CSNK1G1: variants seen among roughly 807,000 people sequenced by gnomAD.
CSNK1G1 encodes casein kinase I isoform gamma-1.
CSNK1G1 carries 22 observed loss-of-function variants against 59.6 expected under a neutral mutation model. The observed-to-expected ratio is 0.37, with a 90% CI of 0.26 to 0.53. The LOEUF is 0.53. Among genes scored for constraint, CSNK1G1 ranks in the 20% least tolerant of loss-of-function variants. The probability of loss-of-function intolerance (pLI) is 0.89; values close to 1 mark genes in which losing one functional copy is unlikely to be tolerated. For synonymous variants in CSNK1G1, 179 were observed against 177.1 expected, an observed-to-expected ratio of 1.01 and a Z score of -0.08; for missense variants, 384 against 519.5, an observed-to-expected ratio of 0.74 and a Z score of 2.54.
chr15:64,219,158 A>C (rs1381007838), intron 4 of CSNK1G1, among the ~76,000 whole-genome samples: 1 of 151,976 alleles, frequency 6.6e-6, no homozygotes, highest in African/African-American at 2.4e-5. Context: ...CCAGGCCCCA[A>C]AGAGTCTTTT....
At chr15:64,258,380 C>G (rs927111478) in intron 3 of CSNK1G1, among the ~76,000 whole-genome samples, 1 of 137,858 alleles carries the variant, frequency 7.3e-6, no homozygotes, top group Non-Finnish European at 1.5e-5. Flanking sequence ...GAGACCCTGT[C>G]TCCAAAAAAA....
chr15:64,303,390 G>C (rs951149605), intron 1 of CSNK1G1, among the ~76,000 whole-genome samples: 8 of 150,914 alleles, frequency 5.3e-5, no homozygotes, highest in African/African-American at 1.7e-4. Context: ...CAAGGTAGAA[G>C]GACTACTTGA....
At chr15:64,256,589 T>C (rs1235862190) in intron 3 of CSNK1G1, among the ~76,000 whole-genome samples, 4 of 152,162 alleles carry the variant, frequency 2.6e-5, no homozygotes, top group Non-Finnish European at 4.4e-5. Flanking sequence ...GTCTACAGAC[T>C]ACAGAAGGCA....
rs1200926428 is a variant in CSNK1G1, at chr15:64,167,126, C to A, written c.*4805G>T. On this transcript the variant is annotated 3_prime_UTR_variant, in exon 12 of 12. Coordinates refer to ENST00000303052, the MANE Select transcript of CSNK1G1 (RefSeq NM_022048.5). ...CACTATTTTGAATACAATGAGAAAA[C>A]TATTTTTTTGTACTTAGTCACCTGC... is the stretch of plus-strand genomic sequence containing the variant. 1 of 152,110 alleles carries A rather than the reference C, an allele frequency of 6.6e-6. No individual in the cohort carries two copies. The highest frequency in any genetic ancestry group is 1.5e-5 in the Non-Finnish European group (1 of 68,000). The allele number at this position is 152,110 out of a possible 1,614,324, so 9.4% of individuals were successfully genotyped here. A position where few individuals can be genotyped will look rare whatever the true frequency, so the allele number is the denominator to read the frequency against.
chr15:64,239,585 C>T (rs1395396603), intron 4 of CSNK1G1, among the ~76,000 whole-genome samples: 2 of 152,008 alleles, frequency 1.3e-5, no homozygotes, highest in Non-Finnish European at 2.9e-5. Context: ...TGCTATGTTC[C>T]CTAGGCTGAT....
At chr15:64,269,127 C>T (rs1449622695) in intron 2 of CSNK1G1, among the ~76,000 whole-genome samples, 2 of 152,168 alleles carry the variant, frequency 1.3e-5, no homozygotes, top group Admixed American at 6.6e-5. Context: ...GTATAGCCCA[C>T]ATTTATTTCA....
intron 1 of CSNK1G1, among the ~76,000 whole-genome samples, chr15:64,329,360 A>G (rs1341312272): frequency 1.3e-5 from 2 of 150,136 alleles, no homozygotes; most frequent in Non-Finnish European, 3.0e-5. Context: ...AGAACTCAGG[A>G]TTAAGAATCT....
chr15:64,214,241 TC>T lies in CSNK1G1; in HGVS notation c.445-118del. ...TATTGAAATAACAGTAAAATTCATCTCCTTTCACCGCCCTGAGTCACTTCAC... is the reference window on the plus strand; with the variant it reads ...TATTGAAATAACAGTAAAATTCATCTCTTTCACCGCCCTGAGTCACTTCAC... On this transcript the variant is annotated intron_variant, in intron 5 of 11. Transcript: ENST00000303052. This position sits in a 1 kb window ranked among gnomAD's most constrained non-coding sequence, Gnocchi z 4.3. The T allele has an allele frequency of 1.4e-6, 1 of 739,708 alleles. No homozygotes were observed. The highest frequency in any genetic ancestry group is 1.7e-5 in the South Asian group (1 of 57,830). 45.8% of individuals were successfully genotyped at this position (739,708 alleles called of 1,614,324 possible).
chr15:64,290,729 A>ATAATT (rs1023223538), intron 2 of CSNK1G1, among the ~76,000 whole-genome samples: 9 of 152,234 alleles, frequency 5.9e-5, no homozygotes, highest in Non-Finnish European at 1.2e-4. Context: ...ATCTAAAGTT[A>ATAATT]TAATTTAATT....
chr15:64,220,269 A>G (rs2082369983), intron 4 of CSNK1G1, among the ~76,000 whole-genome samples: 1 of 149,938 alleles, frequency 6.7e-6, no homozygotes, highest in Non-Finnish European at 1.5e-5. Flanking sequence ...TAATTTTTGT[A>G]TTTTTAGTAA....
intron 3 of CSNK1G1, among the ~76,000 whole-genome samples, chr15:64,258,313 G>A (rs1892503530): frequency 6.6e-6 from 1 of 151,716 alleles, no homozygotes; most frequent in Admixed American, 6.6e-5. Context: ...AGCCCAGGAG[G>A]CGGAGGTTGC....
At chr15:64,173,019 G>A (rs763072663) in intron 11 of CSNK1G1, among the ~76,000 whole-genome samples, 3 of 152,228 alleles carry the variant, frequency 2.0e-5, no homozygotes, top group Non-Finnish European at 4.4e-5. Flanking sequence ...GGTGGTGGAT[G>A]AGTCAAAGAT....
intron 2 of CSNK1G1, among the ~76,000 whole-genome samples, chr15:64,293,114 A>C (rs2140389130): frequency 6.6e-6 from 1 of 152,276 alleles, no homozygotes; most frequent in South Asian, 2.1e-4. Context: ...AAAATGAGAA[A>C]GTTCTCACAA....
At chr15:64,316,735 C>G (rs1167323782) in intron 1 of CSNK1G1, 4 of 152,034 alleles carry the variant, frequency 2.6e-5, no homozygotes. Context: ...AAAAATCAAG[C>G]CCTGACTTAA....
intron 4 of CSNK1G1, among the ~76,000 whole-genome samples, chr15:64,234,728 A>C (rs2082592497): frequency 6.6e-6 from 1 of 152,128 alleles, no homozygotes; most frequent in African/African-American, 2.4e-5. Flanking sequence ...TCCTTGTTAT[A>C]TTGTCATTTT....
intron 4 of CSNK1G1, among the ~76,000 whole-genome samples, chr15:64,230,826 T>G (rs918963590): frequency 6.6e-6 from 1 of 151,764 alleles, no homozygotes; most frequent in Non-Finnish European, 1.5e-5. Context: ...ACAAAAAAAT[T>G]AGCCAGGCGT....
rs2081740655 is a variant in CSNK1G1 at position 64,176,316 on chromosome 15, A to AG, written c.1214+4031_1214+4032insC. On this transcript the variant is annotated intron_variant, in intron 11 of 11. Coordinates refer to ENST00000303052, the MANE Select transcript of CSNK1G1 (RefSeq NM_022048.5). This position sits in a 1 kb window ranked among gnomAD's most constrained non-coding sequence, Gnocchi z 5.2. Reference sequence around the variant, plus strand: ...GAGTATATAAAGAGAAAAACACAGAAAGGAAGAGAGAGAAAGAGAGAGATA... The same window carrying AG: ...GAGTATATAAAGAGAAAAACACAGAAGAGGAAGAGAGAGAAAGAGAGAGATA... The AG allele has an allele frequency of 2.5e-6, 1 of 398,270 alleles. No individual in the cohort carries two copies. The highest frequency in any genetic ancestry group is 4.4e-6 in the Non-Finnish European group (1 of 225,902). The allele number at this position is 398,270 out of a possible 1,614,324, so 24.7% of individuals were successfully genotyped here.
chr15:64,263,158 G>A (rs889430659), intron 2 of CSNK1G1, among the ~76,000 whole-genome samples: 2 of 150,266 alleles, frequency 1.3e-5, no homozygotes, highest in Non-Finnish European at 3.0e-5. Flanking sequence ...AAGAAGTCTT[G>A]AGGAGTCTCA....
At chr15:64,311,596 T>C (rs1895997556) in intron 1 of CSNK1G1, among the ~76,000 whole-genome samples, 2 of 146,666 alleles carry the variant, frequency 1.4e-5, no homozygotes, top group South Asian at 2.2e-4. Context: ...GAAGCTGACA[T>C]GCATGATGAC....
Sources: gnomAD v4.1 joint callset for allele counts (sites outside exome capture counted in the v4.1 genomes callset) on GRCh38, gnomAD v4.1.1 for gene constraint, Gnocchi (gnomAD v3.1) non-coding constraint, MANE v1.5 for transcripts, NCBI Gene and HGNC (gene_info 2026-07-23, HGNC 2026-07-21) for gene names.